ELP3: variants seen among roughly 807,000 people sequenced by gnomAD.
ELP3 encodes the protein elongator complex protein 3.
In ELP3, 56 loss-of-function variants were observed where a neutral mutation model predicts 74.9. That is an observed-to-expected ratio of 0.75 (90% CI 0.60 to 0.93). The LOEUF (loss-of-function observed/expected upper bound fraction) is 0.93, where lower values mean the gene tolerates loss of function less well. ELP3 is among the 40% of genes least tolerant of loss of function. ELP3 has a pLI of 0.00. For missense variants in ELP3, 573 were observed against 686.5 expected, an observed-to-expected ratio of 0.83 and a Z score of 1.85; for synonymous variants, 222 against 239.8, an observed-to-expected ratio of 0.93 and a Z score of 0.68.
At chr8:28,092,783 C>CG, upstream of ELP3, 1 of 212,042 alleles carries the variant, frequency 4.7e-6, no homozygotes, top group Non-Finnish European at 9.7e-6. Flanking sequence ...CGCCCATTCG[C>CG]GTTCCCACCC....
intron 10 of ELP3, among the ~76,000 whole-genome samples, chr8:28,149,731 C>T (rs2130518562): frequency 6.6e-6 from 1 of 152,234 alleles, no homozygotes; most frequent in South Asian, 2.1e-4. Flanking sequence ...TTAATTTACT[C>T]ATAGTTTCCT....
At chr8:28,184,427 G>A (rs765338252) in intron 14 of ELP3, among the ~76,000 whole-genome samples, 3 of 152,152 alleles carry the variant, frequency 2.0e-5, no homozygotes, top group Non-Finnish European at 2.9e-5. Context: ...GGTGGTAATC[G>A]TTTCTAGGGC....
chr8:28,133,453 C>CTTTT (rs1812861491), intron 9 of ELP3, among the ~76,000 whole-genome samples: 1 of 143,052 alleles, frequency 7.0e-6, no homozygotes. Context: ...CTTCAAATGC[C>CTTTT]TCTAAGCTTA....
At chr8:28,151,604 T>C (rs914416642) in intron 10 of ELP3, among the ~76,000 whole-genome samples, 2 of 152,258 alleles carry the variant, frequency 1.3e-5, no homozygotes, top group Non-Finnish European at 2.9e-5. Context: ...TCGCTAGTCC[T>C]GTGATTAGGT....
intron 3 of ELP3, 81 bp downstream of exon 3, chr8:28,100,047 A>G: frequency 6.4e-7 from 1 of 1,573,600 alleles, no homozygotes; most frequent in South Asian, 1.1e-5. Context: ...ACGCCCGTGT[A>G]GTGAGGTAGA....
intron 10 of ELP3, 30 bp from the exon 11 acceptor site, chr8:28,155,912 C>A: frequency 6.4e-7 from 1 of 1,554,474 alleles, no homozygotes; most frequent in Non-Finnish European, 8.9e-7. Flanking sequence ...TTCTATTTTG[C>A]AACAGCTTAT....
intron 3 of ELP3, among the ~76,000 whole-genome samples, chr8:28,106,316 G>A (rs566245552): frequency 1.1e-4 from 16 of 151,984 alleles, no homozygotes; most frequent in African/African-American, 2.7e-4. Context: ...CGAGGCGGGC[G>A]GATCACGAGG....
upstream of ELP3, chr8:28,092,963 G>A: frequency 4.7e-6 from 3 of 635,066 alleles, no homozygotes; most frequent in South Asian, 1.8e-5. Flanking sequence ...CCGTTCAGAC[G>A]TTCCCATCCT....
chr8:28,117,016 A>G (rs568792054), intron 7 of ELP3, among the ~76,000 whole-genome samples: 3 of 152,210 alleles, frequency 2.0e-5, no homozygotes, highest in Non-Finnish European at 2.9e-5. Context: ...GACATCTATG[A>G]AGATAAGTTT....
intron 4 of ELP3, among the ~76,000 whole-genome samples, chr8:28,107,101 A>T (rs1006524057): frequency 6.6e-6 from 1 of 152,148 alleles, no homozygotes; most frequent in African/African-American, 2.4e-5. Flanking sequence ...TACAAAAATT[A>T]GCCGAGCGTG....
At chr8:28,097,611 C>T (rs1052036725) in intron 2 of ELP3, among the ~76,000 whole-genome samples, 100 of 152,032 alleles carry the variant, frequency 6.6e-4, no homozygotes, top group African/African-American at 2.2e-3. Context: ...TTAGCCAGGA[C>T]GGTCTCGATC....
At chr8:28,120,999 T>G (rs1315421155) in intron 7 of ELP3, among the ~76,000 whole-genome samples, 1 of 152,226 alleles carries the variant, frequency 6.6e-6, no homozygotes, top group African/African-American at 2.4e-5. Context: ...TTTTTCAAAA[T>G]TGCTTTAGAA....
intron 14 of ELP3, among the ~76,000 whole-genome samples, chr8:28,175,830 T>TC (rs1563289164): frequency 6.7e-6 from 1 of 149,174 alleles, no homozygotes; most frequent in Non-Finnish European, 1.5e-5. Flanking sequence ...TTTTTTTTTT[T>TC]TGGGGAGTCA....
intron 10 of ELP3, 137 bp from the exon 11 acceptor site, chr8:28,155,805 C>CAGGAAATAAA: frequency 1.6e-6 from 1 of 608,310 alleles, no homozygotes; most frequent in Non-Finnish European, 2.8e-6. Flanking sequence ...GAGGCTTTGC[C>CAGGAAATAAA]TCTGATTTCC....
At chr8:28,131,607 A>G (rs1812787844) in intron 8 of ELP3, among the ~76,000 whole-genome samples, 1 of 152,228 alleles carries the variant, frequency 6.6e-6, no homozygotes, top group African/African-American at 2.4e-5. Context: ...AAGGATAGCC[A>G]CAAGACTTCA....
chr8:28,125,759 C>CTTTTTTTTTTTTTTT lies in ELP3; in HGVS notation c.618-3734_618-3720dup, dbSNP rs755484214. ...AGCTTTTTGTTCTGTAGTCATTTCT[C>CTTTTTTTTTTTTTTT]TTTTTTTTTTTTTTTTTTTTTTTCT... On this transcript the variant is annotated intron_variant, in intron 7 of 14. Transcript: ENST00000256398. Among the ~76,000 whole-genome samples the CTTTTTTTTTTTTTTT allele has an allele frequency of 1.9e-3, 178 of 92,202 alleles. 1 individual carries two copies. The highest frequency in any genetic ancestry group is 2.8e-3 in the Non-Finnish European group (141 of 49,728). The allele number at this position is 92,202 out of a possible 152,430, so 60.5% of individuals were successfully genotyped here. A position where few individuals can be genotyped will look rare whatever the true frequency, so the allele number is the denominator to read the frequency against.
intron 5 of ELP3, among the ~76,000 whole-genome samples, chr8:28,108,339 A>G (rs1452715502): frequency 1.3e-5 from 2 of 152,090 alleles, no homozygotes; most frequent in Non-Finnish European, 2.9e-5. Context: ...AAGACACACT[A>G]TTAGTAAGTG....
At chr8:28,101,011 G>A (rs1014136878) in intron 3 of ELP3, among the ~76,000 whole-genome samples, 9 of 152,266 alleles carry the variant, frequency 5.9e-5, no homozygotes, top group South Asian at 2.1e-4. Flanking sequence ...ATCACCTTAC[G>A]TTTGTGGCTA....
intron 7 of ELP3, among the ~76,000 whole-genome samples, chr8:28,124,973 A>G (rs139374581): frequency 3.1e-4 from 47 of 152,336 alleles, no homozygotes; most frequent in African/African-American, 1.1e-3. Context: ...GATTGGGGGT[A>G]ATAGTTATTT....
Sources: gnomAD v4.1 joint callset for allele counts (sites outside exome capture counted in the v4.1 genomes callset) on GRCh38, gnomAD v4.1.1 for gene constraint, MANE v1.5 for transcripts, NCBI Gene and HGNC (gene_info 2026-07-23, HGNC 2026-07-21) for gene names.